The following SUGCT variants were observed in gnomAD, a reference collection of about 807,000 sequenced individuals.
SUGCT encodes the protein succinyl-CoA:glutarate-CoA transferase.
A neutral mutation model predicts 55.0 loss-of-function variants in SUGCT; 41 were observed. That is an observed-to-expected ratio of 0.74 (90% CI 0.58 to 0.97). SUGCT has a LOEUF of 0.97. Among genes scored for constraint, SUGCT ranks in the 50% least tolerant of loss-of-function variants. The pLI is 0.00. For synonymous variants in SUGCT, 187 were observed against 200.4 expected (o/e 0.93, Z 0.56); for missense variants, 568 against 547.8 (o/e 1.04, Z -0.37).
At chr7:40,760,156 C>T (rs1399175670) in intron 13 of SUGCT, among the ~76,000 whole-genome samples, 1 of 152,082 alleles carries the variant, frequency 6.6e-6, no homozygotes, top group Non-Finnish European at 1.5e-5. Flanking sequence ...TCTCTGTGGC[C>T]ATGGTGCTGT....
chr7:40,597,789 G>C (rs542307550), intron 12 of SUGCT, among the ~76,000 whole-genome samples: 1 of 152,172 alleles, frequency 6.6e-6, no homozygotes, highest in East Asian at 1.9e-4. Context: ...TTGAAATATA[G>C]CATGGAAGAG....
At chr7:40,378,076 C>T (rs1784691500) in intron 9 of SUGCT, among the ~76,000 whole-genome samples, 1 of 151,878 alleles carries the variant, frequency 6.6e-6, no homozygotes, top group Non-Finnish European at 1.5e-5. Flanking sequence ...AGTATGGAAC[C>T]ACCTTGGAGT....
At chr7:40,277,814 A>T (rs2151009702) in intron 8 of SUGCT, among the ~76,000 whole-genome samples, 2 of 151,962 alleles carry the variant, frequency 1.3e-5, no homozygotes, top group Middle Eastern at 6.8e-3. Flanking sequence ...CACTAGGTAT[A>T]TCTCCTAATG....
intron 9 of SUGCT, among the ~76,000 whole-genome samples, chr7:40,320,764 TG>T (rs199618145): frequency 9.9e-6 from 1 of 101,174 alleles, no homozygotes; most frequent in Non-Finnish European, 2.6e-5. Context: ...CTGAATATAG[TG>T]GGAAAAAAAT....
intron 6 of SUGCT, among the ~76,000 whole-genome samples, chr7:40,199,732 A>G (rs1338734372): frequency 5.4e-5 from 8 of 149,168 alleles, no homozygotes. Flanking sequence ...ACATTTCATT[A>G]TATTATTGAC....
the SUGCT span, among the ~76,000 whole-genome samples, chr7:40,884,282 C>G: frequency 2.6e-5 from 4 of 152,340 alleles, no homozygotes; most frequent in East Asian, 7.7e-4. Context: ...CAGACTGTCT[C>G]CCTGTCCAGA....
At chr7:41,011,235 G>A in the SUGCT span, among the ~76,000 whole-genome samples, 1 of 152,176 alleles carries the variant, frequency 6.6e-6, no homozygotes, top group Non-Finnish European at 1.5e-5. Flanking sequence ...GAGGGAGGCG[G>A]ATAGAAGAAC....
At chr7:40,650,251 T>G (rs1025695038) in intron 12 of SUGCT, among the ~76,000 whole-genome samples, 3 of 152,172 alleles carry the variant, frequency 2.0e-5, no homozygotes, top group Non-Finnish European at 2.9e-5. Flanking sequence ...CCAATCATCT[T>G]GTAAGTGACA....
chr7:40,923,949 A>G, the SUGCT span, among the ~76,000 whole-genome samples: 2 of 152,256 alleles, frequency 1.3e-5, no homozygotes, highest in East Asian at 3.9e-4. Context: ...ACAGGCAGGA[A>G]CTTTGCAAGG....
chr7:40,168,035 T>A (rs1359398993), intron 1 of SUGCT, among the ~76,000 whole-genome samples: 1 of 152,232 alleles, frequency 6.6e-6, no homozygotes, highest in Non-Finnish European at 1.5e-5. Flanking sequence ...AGGCGATATA[T>A]GATTTGACTT....
intron 12 of SUGCT, among the ~76,000 whole-genome samples, chr7:40,543,476 C>G (rs771660848): frequency 5.3e-5 from 8 of 152,162 alleles, no homozygotes; most frequent in Non-Finnish European, 1.0e-4. Flanking sequence ...TTGGAAGACT[C>G]TGCCGTACAT....
chr7:40,251,207 G>C (rs775751099), intron 7 of SUGCT, among the ~76,000 whole-genome samples: 1 of 152,116 alleles, frequency 6.6e-6, no homozygotes, highest in South Asian at 2.1e-4. Flanking sequence ...ATTAGCATTC[G>C]AACATTCGTT....
At chr7:40,162,499 C>T (rs1584226132) in intron 1 of SUGCT, among the ~76,000 whole-genome samples, 1 of 151,960 alleles carries the variant, frequency 6.6e-6, no homozygotes, top group East Asian at 2.0e-4. Flanking sequence ...TTTTGTTAGA[C>T]AGGGTCTTCC....
At chr7:40,976,213 T>G in the SUGCT span, among the ~76,000 whole-genome samples, 4 of 152,164 alleles carry the variant, frequency 2.6e-5, no homozygotes, top group African/African-American at 9.7e-5. Flanking sequence ...TGCAGGCAGA[T>G]TTTTCCAATA....
intron 7 of SUGCT, among the ~76,000 whole-genome samples, chr7:40,245,404 CATATATAT>C (rs202125224): frequency 1.9e-5 from 1 of 53,322 alleles, no homozygotes; most frequent in Non-Finnish European, 3.1e-5. Context: ...ACGTAGTAGA[CATATATAT>C]ATATATATAT....
At chr7:40,285,833 T>A (rs567375015) in intron 8 of SUGCT, among the ~76,000 whole-genome samples, 1 of 152,334 alleles carries the variant, frequency 6.6e-6, no homozygotes, top group Non-Finnish European at 1.5e-5. Flanking sequence ...CTTAGTTACC[T>A]GGAGAGCTTA....
the SUGCT span, among the ~76,000 whole-genome samples, chr7:41,032,077 A>T: frequency 6.6e-6 from 1 of 152,154 alleles, no homozygotes; most frequent in African/African-American, 2.4e-5. Context: ...GGGGGATTAT[A>T]TGAACAAGAC....
chr7:40,359,283 C>A (rs1244288738), intron 9 of SUGCT, among the ~76,000 whole-genome samples: 5 of 152,210 alleles, frequency 3.3e-5, no homozygotes, highest in Non-Finnish European at 7.3e-5. Flanking sequence ...CAGCTCACTG[C>A]AACCTCTGCC....
At chr7:40,939,394 A>G in the SUGCT span, among the ~76,000 whole-genome samples, 5 of 152,150 alleles carry the variant, frequency 3.3e-5, no homozygotes, top group African/African-American at 1.2e-4. Context: ...ACACAGCCAA[A>G]CCATATCACA....
Sources: allele counts gnomAD v4.1 joint callset (sites outside exome capture counted in the v4.1 genomes callset), GRCh38; gene constraint gnomAD v4.1.1; transcripts MANE v1.5; gene names NCBI Gene and HGNC (gene_info 2026-07-23, HGNC 2026-07-21).